Variants in PTPRK observed in about 807,000 individuals in gnomAD.
PTPRK encodes the protein protein tyrosine phosphatase receptor type K.
A neutral mutation model predicts 178.0 loss-of-function variants in PTPRK; 75 were observed. The observed-to-expected ratio is 0.42, with a 90% CI of 0.35 to 0.51. The LOEUF (loss-of-function observed/expected upper bound fraction) is 0.51. Among genes scored for constraint, PTPRK ranks in the 20% least tolerant of loss-of-function variants. PTPRK has a pLI of 0.02. For synonymous variants in PTPRK, 637 were observed against 620.6 expected (o/e 1.03, Z -0.39); for missense variants, 1,441 against 1,797.8 (o/e 0.80, Z 3.59).
At position 127,976,906 on chromosome 6, in the gene PTPRK, A is replaced by T. The variant is rs1774670260; in HGVS notation, c.3843+17T>A. On this transcript the variant is annotated intron_variant, in intron 26 of 29. Coordinates refer to ENST00000368226, the MANE Select transcript of PTPRK (RefSeq NM_002844.4). ...AAGTTGTATATAAGTACATAAAAGC[A>T]ATCCATAGCCATTAACCTGGGACAA... is the stretch of plus-strand genomic sequence containing the variant. 6.2e-7 allele frequency: 1 copy of T among 1,613,704 alleles called. No homozygotes were observed. The highest frequency in any genetic ancestry group is 1.1e-5 in the South Asian group (1 of 91,074).
At chr6:128,182,496 C>T (rs946045405) in intron 7 of PTPRK, among the ~76,000 whole-genome samples, 5 of 152,024 alleles carry the variant, frequency 3.3e-5, no homozygotes, top group Non-Finnish European at 7.4e-5. Flanking sequence ...ATTGCTTGAA[C>T]GCAGGAGGCA....
At chr6:128,138,639 C>T (rs1467359113) in intron 7 of PTPRK, among the ~76,000 whole-genome samples, 1 of 152,108 alleles carries the variant, frequency 6.6e-6, no homozygotes, top group African/African-American at 2.4e-5. Flanking sequence ...AAATCACCCT[C>T]ACTTGTCTTT....
chr6:128,051,174 C>T (rs985676263), intron 13 of PTPRK, among the ~76,000 whole-genome samples: 8 of 152,174 alleles, frequency 5.3e-5, no homozygotes. Flanking sequence ...TCACTGCCTA[C>T]TTCCTCTAGA....
chr6:128,396,314 T>C (rs1213427136), intron 2 of PTPRK, among the ~76,000 whole-genome samples: 1 of 148,636 alleles, frequency 6.7e-6, no homozygotes, highest in Non-Finnish European at 1.5e-5. Flanking sequence ...AATTATATTA[T>C]ATATTATAAT....
intron 13 of PTPRK, among the ~76,000 whole-genome samples, chr6:128,022,119 CAG>C (rs142528053): frequency 0.024 from 3,586 of 152,240 alleles, 152 homozygotes; most frequent in African/African-American, 0.082. Context: ...GTTTGGAAAA[CAG>C]AGTTTTACAA....
At chr6:128,105,257 C>T (rs1015277054) in intron 7 of PTPRK, among the ~76,000 whole-genome samples, 1 of 152,082 alleles carries the variant, frequency 6.6e-6, no homozygotes. Flanking sequence ...CCTCAGCCTC[C>T]GGAGTAGCTG....
At position 128,182,777 on chromosome 6, in the gene PTPRK, A is replaced by G. The variant is rs535930046; in HGVS notation, c.1162+1655T>C. 1.4e-3 allele frequency among the ~76,000 whole-genome samples: 212 copies of G among 152,300 alleles called. 1 individual carries two copies. Among genetic ancestry groups the G allele is most frequent in the Non-Finnish European group, 2.5e-3 (173 of 68,022 alleles). On this transcript the variant is annotated intron_variant, in intron 7 of 29. Coordinates refer to ENST00000368226, the MANE Select transcript of PTPRK (RefSeq NM_002844.4). ...AGTATAACTGGCTTCAAAACACAAT[A>G]TTATTTACATGCAATCTCCATGGCT...
At chr6:128,170,308 C>T (rs1355253236) in intron 7 of PTPRK, among the ~76,000 whole-genome samples, 1 of 152,008 alleles carries the variant, frequency 6.6e-6, no homozygotes, top group Non-Finnish European at 1.5e-5. Flanking sequence ...TTAATTTATA[C>T]CTATCCATTA....
intron 13 of PTPRK, among the ~76,000 whole-genome samples, chr6:128,060,616 T>C (rs996328326): frequency 6.6e-6 from 1 of 152,120 alleles, no homozygotes; most frequent in Non-Finnish European, 1.5e-5. Context: ...GTGATTACAA[T>C]GAAAAGACAA....
At chr6:128,251,388 C>T (rs772535199) in intron 3 of PTPRK, among the ~76,000 whole-genome samples, 6 of 152,092 alleles carry the variant, frequency 3.9e-5, no homozygotes, top group Non-Finnish European at 8.8e-5. Context: ...TCATCTAACC[C>T]CTAAGTAATT....
intron 3 of PTPRK, among the ~76,000 whole-genome samples, chr6:128,246,717 G>A (rs1483385616): frequency 6.6e-6 from 1 of 152,194 alleles, no homozygotes; most frequent in Non-Finnish European, 1.5e-5. Context: ...AGGCTTCCCA[G>A]AAGAAGAGAG....
intron 2 of PTPRK, among the ~76,000 whole-genome samples, chr6:128,326,632 G>A (rs1269041367): frequency 6.6e-6 from 1 of 152,074 alleles, no homozygotes; most frequent in African/African-American, 2.4e-5. Flanking sequence ...ACATATTTGT[G>A]TTAAATAATT....
At chr6:128,249,253 T>C (rs1816038207) in intron 3 of PTPRK, among the ~76,000 whole-genome samples, 1 of 149,080 alleles carries the variant, frequency 6.7e-6, no homozygotes, top group Non-Finnish European at 1.5e-5. Context: ...TTGAAATTGA[T>C]AACCCTGAAT....
At chr6:128,271,735 T>C (rs1819853656) in intron 3 of PTPRK, among the ~76,000 whole-genome samples, 1 of 151,920 alleles carries the variant, frequency 6.6e-6, no homozygotes, top group Admixed American at 6.6e-5. Context: ...GATTATAGTA[T>C]CTTTGGTTCT....
chr6:128,216,048 A>C (rs188051737), intron 6 of PTPRK, among the ~76,000 whole-genome samples: 1 of 152,336 alleles, frequency 6.6e-6, no homozygotes, highest in East Asian at 1.9e-4. Context: ...AACAGCAAGC[A>C]AAGTATCACC....
chr6:128,089,443 G>A (rs1786540007), intron 8 of PTPRK, among the ~76,000 whole-genome samples: 1 of 152,162 alleles, frequency 6.6e-6, no homozygotes, highest in Admixed American at 6.5e-5. Context: ...TAAGTTTTTA[G>A]TGTAGTTGCC....
chr6:128,119,207 T>TA (rs199647986), intron 7 of PTPRK, among the ~76,000 whole-genome samples: 3,837 of 151,990 alleles, frequency 0.025, 75 homozygotes, highest in Middle Eastern at 0.092. Context: ...AAAACATAAG[T>TA]TAAAAAAACT....
intron 3 of PTPRK, among the ~76,000 whole-genome samples, chr6:128,269,647 G>A (rs945093721): frequency 6.6e-6 from 1 of 152,198 alleles, no homozygotes; most frequent in African/African-American, 2.4e-5. Context: ...CGATGACAGG[G>A]GAGGGCACTT....
chr6:128,026,639 A>C (rs996514838), intron 13 of PTPRK, among the ~76,000 whole-genome samples: 2 of 152,244 alleles, frequency 1.3e-5, no homozygotes, highest in Non-Finnish European at 2.9e-5. Flanking sequence ...TTAAGGATTA[A>C]GAAAGCACTG....
Sources: allele counts gnomAD v4.1 joint callset (sites outside exome capture counted in the v4.1 genomes callset), GRCh38; gene constraint gnomAD v4.1.1; transcripts MANE v1.5; gene names NCBI Gene and HGNC (gene_info 2026-07-23, HGNC 2026-07-21).